Variants in DPP10 observed in about 807,000 individuals in gnomAD.
DPP10 encodes inactive dipeptidyl peptidase 10.
A neutral mutation model predicts 120.9 loss-of-function variants in DPP10; 33 were observed. The observed-to-expected ratio is 0.27, with a 90% CI of 0.21 to 0.37. DPP10 has a LOEUF of 0.37. DPP10 is among the 10% of genes least tolerant of loss of function. The pLI is 1.00. For synonymous variants in DPP10, 337 were observed against 326.1 expected, an observed-to-expected ratio of 1.03 and a Z score of -0.36; for missense variants, 816 against 942.8, an observed-to-expected ratio of 0.87 and a Z score of 1.76.
intron 1 of DPP10, among the ~76,000 whole-genome samples, chr2:115,062,105 ATTG>A (rs988198190): frequency 1.3e-5 from 2 of 149,294 alleles, no homozygotes; most frequent in African/African-American, 4.9e-5. Context: ...GAAAAACTGT[ATTG>A]TTGTTTTAAG....
chr2:115,437,516 A>G (rs997886203), intron 3 of DPP10, among the ~76,000 whole-genome samples: 11 of 152,074 alleles, frequency 7.2e-5, no homozygotes, highest in African/African-American at 2.2e-4. Flanking sequence ...GTGTTACTCA[A>G]TGATCTTCAG....
intron 12 of DPP10, among the ~76,000 whole-genome samples, chr2:115,764,194 A>G (rs1680445583): frequency 6.6e-6 from 1 of 152,088 alleles, no homozygotes; most frequent in African/African-American, 2.4e-5. Flanking sequence ...CCAAACGCCT[A>G]GTATAGAATT....
chr2:115,826,355 C>CT (rs34101731), intron 21 of DPP10, among the ~76,000 whole-genome samples: 8 of 152,148 alleles, frequency 5.3e-5, no homozygotes, highest in Non-Finnish European at 1.0e-4. Context: ...TATTTCCATA[C>CT]TTTTTTATTG....
chr2:114,820,027 A>G (rs1685958898), intron 1 of DPP10, among the ~76,000 whole-genome samples: 1 of 152,226 alleles, frequency 6.6e-6, no homozygotes, highest in Non-Finnish European at 1.5e-5. Context: ...AACATTTGGT[A>G]ATTTTGATTG....
intron 3 of DPP10, among the ~76,000 whole-genome samples, chr2:115,401,181 G>A (rs2068046662): frequency 6.6e-6 from 1 of 152,204 alleles, no homozygotes; most frequent in Admixed American, 6.5e-5. Flanking sequence ...TCAACTTTAA[G>A]TGTGTTTTCC....
chr2:114,778,435 T>G (rs1383748617), intron 1 of DPP10, among the ~76,000 whole-genome samples: 1 of 152,156 alleles, frequency 6.6e-6, no homozygotes, highest in Non-Finnish European at 1.5e-5. Flanking sequence ...TATAATAGCT[T>G]CACATTTTAG....
intron 1 of DPP10, among the ~76,000 whole-genome samples, chr2:114,993,903 C>T (rs28579653): frequency 0.083 from 12,559 of 152,036 alleles, 703 homozygotes; most frequent in East Asian, 0.3. Flanking sequence ...TGCTGAATCA[C>T]CAGCCTCACT....
chr2:115,411,759 G>T (rs1043707304), intron 3 of DPP10, among the ~76,000 whole-genome samples: 4 of 152,120 alleles, frequency 2.6e-5, no homozygotes, highest in Non-Finnish European at 5.9e-5. Flanking sequence ...AAAGTTATTT[G>T]CAACTATTAT....
intron 1 of DPP10, among the ~76,000 whole-genome samples, chr2:115,236,829 A>G (rs1029579820): frequency 2.0e-5 from 3 of 152,164 alleles, no homozygotes; most frequent in African/African-American, 7.2e-5. Context: ...ATGGAGACTA[A>G]GTAAGTTGGC....
intron 1 of DPP10, among the ~76,000 whole-genome samples, chr2:115,187,336 G>A (rs796313416): frequency 1.1e-4 from 16 of 152,042 alleles, no homozygotes; most frequent in African/African-American, 3.4e-4. Flanking sequence ...GCGCCCGGCC[G>A]GTGCAAAGAT....
chr2:115,528,073 G>T (rs1575100628), intron 5 of DPP10, among the ~76,000 whole-genome samples: 1 of 152,008 alleles, frequency 6.6e-6, no homozygotes, highest in African/African-American at 2.4e-5. Context: ...ATTCCTTTGG[G>T]TATATACCCA....
At chr2:114,852,737 A>T (rs1689059885) in intron 1 of DPP10, among the ~76,000 whole-genome samples, 1 of 152,150 alleles carries the variant, frequency 6.6e-6, no homozygotes. Context: ...TTTTGATCAG[A>T]GACTATGCCT....
chr2:114,545,164 A>G (rs896920025), intron 1 of DPP10, among the ~76,000 whole-genome samples: 10 of 152,168 alleles, frequency 6.6e-5, no homozygotes, highest in African/African-American at 2.4e-4. Context: ...ATATATTAAA[A>G]TATTTGTTAA....
At chr2:115,267,802 T>C (rs1292870139) in intron 1 of DPP10, among the ~76,000 whole-genome samples, 1 of 152,152 alleles carries the variant, frequency 6.6e-6, no homozygotes, top group African/African-American at 2.4e-5. Flanking sequence ...TCAGATTTAA[T>C]TTGATGTCCC....
chr2:115,306,015 GT>G (rs535322094), intron 1 of DPP10, among the ~76,000 whole-genome samples: 95 of 151,872 alleles, frequency 6.3e-4, no homozygotes, highest in African/African-American at 1.9e-3. Context: ...TTAGGTAAGA[GT>G]TTTTTTTATG....
intron 1 of DPP10, among the ~76,000 whole-genome samples, chr2:115,177,980 A>G (rs540664483): frequency 6.6e-6 from 1 of 152,128 alleles, no homozygotes; most frequent in East Asian, 1.9e-4. Context: ...AGCCAGGATG[A>G]TCTCGATCTC....
At position 115,052,435 on chromosome 2, in the gene DPP10, G is replaced by A. The variant is rs193097169; in HGVS notation, c.61-256804G>A. On this transcript the variant is annotated intron_variant, in intron 1 of 25. Coordinates refer to ENST00000410059, the MANE Select transcript of DPP10 (RefSeq NM_020868.6). The stretch of plus-strand genomic sequence containing the variant: ...CGTTTGCAAATAATATATCTCATAA[G>A]GGTTTAATATCCAGAATATGTAAAG... Among the ~76,000 whole-genome samples, 7 of 152,206 alleles carry A rather than the reference G, an allele frequency of 4.6e-5. No homozygotes were observed. In the East Asian group the frequency reaches 7.7e-4, roughly 17 times the overall value.
intron 9 of DPP10, among the ~76,000 whole-genome samples, chr2:115,745,066 A>G (rs1677776237): frequency 6.7e-6 from 1 of 150,272 alleles, no homozygotes; most frequent in Admixed American, 7.1e-5. Flanking sequence ...ATTCATTCCA[A>G]TTGCTTGAAA....
At chr2:115,715,212 G>A in intron 7 of DPP10, among the ~76,000 whole-genome samples, 1 of 151,180 alleles carries the variant, frequency 6.6e-6, no homozygotes, top group Non-Finnish European at 1.5e-5. Context: ...GGTGGCACAT[G>A]CCTGTAATCC....
Sources: allele counts gnomAD v4.1 joint callset (sites outside exome capture counted in the v4.1 genomes callset), GRCh38; gene constraint gnomAD v4.1.1; transcripts MANE v1.5; gene names NCBI Gene and HGNC (gene_info 2026-07-23, HGNC 2026-07-21).